The following ROR1 variants were observed in gnomAD, a reference collection of about 807,000 sequenced individuals.
ROR1 encodes the protein ROR family WNT receptor 1.
Under a neutral mutation model 78.8 loss-of-function variants are expected in ROR1, and 19 were observed. That is an observed-to-expected ratio of 0.24 (90% CI 0.17 to 0.35). The LOEUF (loss-of-function observed/expected upper bound fraction) is 0.35. ROR1 is among the 10% of genes least tolerant of loss of function. ROR1 has a pLI of 1.00. For synonymous variants in ROR1, 386 were observed against 433.6 expected (o/e 0.89, Z 1.36); for missense variants, 917 against 1,177.8 (o/e 0.78, Z 3.24).
intron 1 of ROR1, among the ~76,000 whole-genome samples, chr1:63,785,912 C>T (rs1247702908): frequency 6.6e-6 from 1 of 152,228 alleles, no homozygotes; most frequent in East Asian, 1.9e-4. Context: ...GCTTTGCCCA[C>T]TCACATCTGG....
At chr1:64,165,646 T>C (rs1259485259) in intron 8 of ROR1, among the ~76,000 whole-genome samples, 1 of 152,002 alleles carries the variant, frequency 6.6e-6, no homozygotes, top group Non-Finnish European at 1.5e-5. Flanking sequence ...TGTGCCTATA[T>C]CCTGAATGGT....
At chr1:64,068,425 G>A (rs1646975653) in intron 4 of ROR1, among the ~76,000 whole-genome samples, 1 of 152,062 alleles carries the variant, frequency 6.6e-6, no homozygotes, top group Admixed American at 6.5e-5. Flanking sequence ...GTAAATCTTT[G>A]TAAAACTATT....
chr1:63,888,492 A>G (rs1645372569), intron 1 of ROR1, among the ~76,000 whole-genome samples: 1 of 152,020 alleles, frequency 6.6e-6, no homozygotes, highest in Non-Finnish European at 1.5e-5. Context: ...GGCATGGTGC[A>G]TGTGCCTGTG....
At chr1:64,040,975 T>G (rs954804931) in intron 2 of ROR1, among the ~76,000 whole-genome samples, 1 of 152,148 alleles carries the variant, frequency 6.6e-6, no homozygotes, top group African/African-American at 2.4e-5. Flanking sequence ...TCATAGCACC[T>G]TTGGTGTGGG....
At chr1:63,857,062 G>GT (rs1412483970) in intron 1 of ROR1, among the ~76,000 whole-genome samples, 2 of 151,882 alleles carry the variant, frequency 1.3e-5, no homozygotes, top group African/African-American at 2.4e-5. Context: ...ACTCAGGTGT[G>GT]TAACAGTTGC....
chr1:64,128,168 G>T (rs1648779778), intron 4 of ROR1, among the ~76,000 whole-genome samples: 1 of 151,836 alleles, frequency 6.6e-6, no homozygotes, highest in Non-Finnish European at 1.5e-5. Context: ...CTAAATGCAT[G>T]GGGAGGCCAG....
intron 1 of ROR1, among the ~76,000 whole-genome samples, chr1:63,858,945 T>C (rs1217752124): frequency 6.6e-6 from 1 of 152,228 alleles, no homozygotes; most frequent in Admixed American, 6.5e-5. Context: ...CTGATTTAAA[T>C]GTGTTCCGTC....
chr1:64,006,691 A>G (rs1170676132), intron 1 of ROR1, among the ~76,000 whole-genome samples: 1 of 152,122 alleles, frequency 6.6e-6, no homozygotes, highest in Non-Finnish European at 1.5e-5. Context: ...GAAAGAGTCT[A>G]TGCTATTTTT....
intron 1 of ROR1, among the ~76,000 whole-genome samples, chr1:63,963,854 G>T (rs1051309616): frequency 4.6e-5 from 7 of 152,116 alleles, no homozygotes; most frequent in African/African-American, 9.7e-5. Context: ...GAATGCAGAC[G>T]CACTGCCTGG....
chr1:63,853,147 T>C (rs1645124728), intron 1 of ROR1, among the ~76,000 whole-genome samples: 1 of 152,162 alleles, frequency 6.6e-6, no homozygotes, highest in Non-Finnish European at 1.5e-5. Flanking sequence ...TAACAATGAT[T>C]ACACCTATCC....
intron 1 of ROR1, among the ~76,000 whole-genome samples, chr1:63,993,077 A>T (rs1430726315): frequency 6.6e-6 from 1 of 152,186 alleles, no homozygotes; most frequent in Non-Finnish European, 1.5e-5. Flanking sequence ...TACCTAAGTG[A>T]CTGTTTACAG....
At chr1:64,129,328 GA>G (rs932612153) in intron 4 of ROR1, among the ~76,000 whole-genome samples, 10 of 149,604 alleles carry the variant, frequency 6.7e-5, no homozygotes, top group Middle Eastern at 3.5e-3. Flanking sequence ...TAAAAGGAAA[GA>G]AAAAAAAAAT....
At chr1:64,017,160 C>G (rs536760317) in intron 2 of ROR1, among the ~76,000 whole-genome samples, 1 of 152,002 alleles carries the variant, frequency 6.6e-6, no homozygotes, top group Non-Finnish European at 1.5e-5. Flanking sequence ...GCCCCCTCGG[C>G]CCCCCAAAGT....
intron 2 of ROR1, among the ~76,000 whole-genome samples, chr1:64,017,836 C>A (rs1227464438): frequency 6.6e-6 from 1 of 152,150 alleles, no homozygotes; most frequent in Non-Finnish European, 1.5e-5. Flanking sequence ...CCTGTTTTTA[C>A]CATTTAGAAT....
intron 4 of ROR1, among the ~76,000 whole-genome samples, chr1:64,056,618 A>G (rs1001706008): frequency 1.4e-4 from 21 of 151,570 alleles, no homozygotes; most frequent in African/African-American, 4.8e-4. Context: ...AGAGGTTGCA[A>G]TGAGCTGAGA....
rs375765786 is a variant in ROR1, at chr1:64,030,520, A to G, written c.164-19171A>G. On this transcript the variant is annotated intron_variant, in intron 2 of 8. Coordinates refer to ENST00000371079, the MANE Select transcript of ROR1 (RefSeq NM_005012.4). ...AACCACATTTCCAAAAAGTGTAAAG[A>G]TCTGATATAAGATCATGTAGCCTAC... 4.3e-4 allele frequency among the ~76,000 whole-genome samples: 65 copies of G among 152,358 alleles called. No individual in the cohort carries two copies. In the South Asian group the frequency reaches 0.013, roughly 30 times the overall value.
intron 8 of ROR1, among the ~76,000 whole-genome samples, chr1:64,169,055 A>G (rs1451992108): frequency 6.6e-6 from 1 of 152,232 alleles, no homozygotes; most frequent in East Asian, 1.9e-4. Flanking sequence ...TCTGATGTAG[A>G]CTATGCTGGT....
chr1:63,905,322 A>T (rs1000623773), intron 1 of ROR1, among the ~76,000 whole-genome samples: 1 of 152,188 alleles, frequency 6.6e-6, no homozygotes, highest in African/African-American at 2.4e-5. Context: ...GGTATTTTTT[A>T]AAATTATGCT....
At position 64,159,016 on chromosome 1, in the gene ROR1, A is replaced by G. The variant is rs762775669; in HGVS notation, c.1210A>G (p.Ile404Val). 1 of 1,614,192 alleles carries G rather than the reference A, an allele frequency of 6.2e-7. No individual in the cohort carries two copies. The highest frequency in any genetic ancestry group is 1.1e-5 in the South Asian group (1 of 91,084). ...TTCCAAGGAGAAGAATAAAATGGAAATCCTGTACATACTAGTGCCAAGTGT... is the reference window on the plus strand; with the variant it reads ...TTCCAAGGAGAAGAATAAAATGGAAGTCCTGTACATACTAGTGCCAAGTGT... ...KDSKEKNKMEILYILVPSVAI... is the reference protein window; with the variant it reads ...KDSKEKNKMEVLYILVPSVAI... The change falls in exon 8 of 9, where the codon ATC becomes GTC. Residue 404 changes from isoleucine (I) to valine (V), a missense_variant. By Grantham distance (29) the Ile-to-Val change is conservative. Coordinates refer to ENST00000371079, the MANE Select transcript of ROR1 (RefSeq NM_005012.4).
Sources: gnomAD v4.1 joint callset for allele counts (sites outside exome capture counted in the v4.1 genomes callset) on GRCh38, gnomAD v4.1.1 for gene constraint, MANE v1.5 for transcripts, NCBI Gene and HGNC (gene_info 2026-07-23, HGNC 2026-07-21) for gene names.